The following PIK3R2 variants were observed in gnomAD, a reference collection of about 807,000 sequenced individuals.
PIK3R2 encodes the protein phosphoinositide-3-kinase regulatory subunit 2.
In PIK3R2, 40 loss-of-function variants were observed where a neutral mutation model predicts 78.5. That is an observed-to-expected ratio of 0.51 (90% CI 0.40 to 0.66). The LOEUF (loss-of-function observed/expected upper bound fraction) is 0.66. Ranked by LOEUF, PIK3R2 falls within the 30% of genes least tolerant of loss-of-function variation. PIK3R2 has a pLI of 0.00. For missense variants in PIK3R2, 880 were observed against 1,026.6 expected (o/e 0.86, Z 1.95); for synonymous variants, 473 against 457.7 (o/e 1.03, Z -0.43).
At chr19:18,158,464 C>T (rs1461133850) in intron 2 of PIK3R2, among the ~76,000 whole-genome samples, 1 of 143,658 alleles carries the variant, frequency 7.0e-6, no homozygotes, top group Admixed American at 7.2e-5. Flanking sequence ...GCACACCAGC[C>T]TGGGTGACAG....
rs749574353 is a variant in PIK3R2, at chr19:18,161,196, C to T, written c.598+11C>T. ...GCCGGGCCCTGCGGGGTGAGCCTGGCGGGTAGCCCGGGGGAAGGAGGGGGC... is the reference window on the plus strand; with the variant it reads ...GCCGGGCCCTGCGGGGTGAGCCTGGTGGGTAGCCCGGGGGAAGGAGGGGGC... On this transcript the variant is annotated intron_variant, in intron 5 of 15. Coordinates refer to ENST00000222254, the MANE Select transcript of PIK3R2 (RefSeq NM_005027.4). The surrounding 1 kb of genome is among the most constrained non-coding windows in gnomAD (Gnocchi z 5.3). 5.0e-5 allele frequency: 77 copies of T among 1,540,876 alleles called. No homozygotes were observed. The highest frequency in any genetic ancestry group is 5.9e-5 in the Non-Finnish European group (67 of 1,143,414).
At position 18,161,032 on chromosome 19, in the gene PIK3R2, G is replaced by A. The variant is rs748108604; in HGVS notation, c.467-22G>A. 9 of 1,611,382 alleles carry A rather than the reference G, an allele frequency of 5.6e-6. No individual in the cohort carries two copies. In the East Asian group the frequency reaches 6.7e-5, roughly 12 times the overall value. On this transcript the variant is annotated intron_variant, in intron 4 of 15. Transcript: ENST00000222254. This position sits in a 1 kb window ranked among gnomAD's most constrained non-coding sequence, Gnocchi z 5.3. ...GGGCCCCAGTACACATGAGTTGGAC[G>A]TGTGCCCCCCTGCACCCGCAGACTG... is the stretch of plus-strand genomic sequence containing the variant.
Position 18,162,008 on chromosome 19 carries a change from G to C in PIK3R2, c.858G>C (p.Lys286Asn). The change falls in exon 7 of 16, where the codon AAG (lysine) becomes AAC (asparagine). Residue 286 changes from lysine to asparagine, a missense_variant. Lys to Asn is a moderately conservative substitution (Grantham distance 94). Coordinates refer to ENST00000222254, the MANE Select transcript of PIK3R2 (RefSeq NM_005027.4). ...ACTTCCCGGCGCTGCTGGTGGAGAA[G>C]CTGCTTCAGGAACACTTGGAAGAGC... ...SPDFPALLVE[K>N]LLQEHLEEQE... The C allele has an allele frequency of 6.2e-7, 1 of 1,614,054 alleles. No homozygotes were observed. The highest frequency in any genetic ancestry group is 1.1e-5 in the South Asian group (1 of 91,090).
In PIK3R2 at chr19:18,161,640, G is replaced by A. The variant is rs1346280635; in HGVS notation, c.815+145G>A. On this transcript the variant is annotated intron_variant, in intron 6 of 15. Coordinates refer to ENST00000222254, the MANE Select transcript of PIK3R2 (RefSeq NM_005027.4). This position sits in a 1 kb window ranked among gnomAD's most constrained non-coding sequence, Gnocchi z 5.3. ...GAAGCTGCGTTCTTGTGATGACGGA[G>A]CGGAGACCTGGGCTCCTGAGTCGTG... 1.6e-5 allele frequency: 8 copies of A among 509,206 alleles called. No individual in the cohort carries two copies. Among genetic ancestry groups the A allele is most frequent in the South Asian group, 3.3e-5 (1 of 30,104 alleles). The allele number at this position is 509,206 out of a possible 1,614,324, so 31.5% of individuals were successfully genotyped here.
chr19:18,154,640 C>G (rs2147943421), intron 1 of PIK3R2, among the ~76,000 whole-genome samples: 1 of 152,254 alleles, frequency 6.6e-6, no homozygotes, highest in Non-Finnish European at 1.5e-5. Context: ...ATCTGGCCAC[C>G]TGGCTGCTGC....
At chr19:18,162,638 C>T (rs2043762387) in intron 9 of PIK3R2, 132 bp downstream of exon 9, 3 of 744,138 alleles carry the variant, frequency 4.0e-6, no homozygotes, top group Non-Finnish European at 2.2e-6. Flanking sequence ...AATCCCAGCA[C>T]TTTGGGAGGC....
Position 18,160,559 on chromosome 19 carries a change from G to C in PIK3R2, c.411G>C (p.Arg137Ser). ...LLVKLVEAIE[R>S]TGLDSESHYR... is the part of the protein sequence containing the mutation. Reference sequence around the variant, plus strand: ...TGAAGCTTGTGGAGGCCATTGAAAGGACAGGTAAGTTCCAGCCTGGCTGCA... The same window carrying C: ...TGAAGCTTGTGGAGGCCATTGAAAGCACAGGTAAGTTCCAGCCTGGCTGCA... Residue 137 changes from arginine to serine, a missense_variant, in exon 3 of 16, where the codon AGG becomes AGC. Physicochemically the swap from Arg to Ser is moderately radical, Grantham distance 110. Around this residue, in one of 3 missense-constraint regions of PIK3R2, gnomAD observed 456 missense variants for 486.6 expected, o/e 0.94. Coordinates refer to ENST00000222254, the MANE Select transcript of PIK3R2 (RefSeq NM_005027.4). 6.2e-7 allele frequency: 1 copy of C among 1,612,086 alleles called. No individual in the cohort carries two copies. Among genetic ancestry groups the C allele is most frequent in the Non-Finnish European group, 8.5e-7 (1 of 1,178,430 alleles).
At chr19:18,160,009 G>A (rs1479220749) in intron 2 of PIK3R2, among the ~76,000 whole-genome samples, 1 of 152,170 alleles carries the variant, frequency 6.6e-6, no homozygotes, top group Non-Finnish European at 1.5e-5. Flanking sequence ...AAAGTGCTGG[G>A]ATTCCAGGCT....
At position 18,167,075 on chromosome 19, in the gene PIK3R2, G is replaced by C. The variant is rs2043816793; in HGVS notation, c.1560-55G>C. On this transcript the variant is annotated intron_variant, in intron 12 of 15. Transcript: ENST00000222254. This position sits in a 1 kb window ranked among gnomAD's most constrained non-coding sequence, Gnocchi z 4.5. ...CACCTGAGCCCAGGAGTTTGAGGGT[G>C]CAGTGAGCCGAGATAAAACCCTGAG... 4 of 1,437,558 alleles carry C rather than the reference G, an allele frequency of 2.8e-6. No individual in the cohort carries two copies. In the African/African-American group the frequency reaches 5.8e-5, roughly 21 times the overall value. The allele number at this position is 1,437,558 out of a possible 1,614,324, so 89.1% of individuals were successfully genotyped here.
rs2043835873 is a variant in PIK3R2 at position 18,168,813 on chromosome 19, A to G, written c.1896A>G (p.Ala632=). 1 of 1,613,744 alleles carries G rather than the reference A, an allele frequency of 6.2e-7. No individual in the cohort carries two copies. Among genetic ancestry groups the G allele is most frequent in the African/African-American group, 1.3e-5 (1 of 74,910 alleles). The change falls in exon 15 of 16, where the codon GCA becomes GCG. Residue 632 remains alanine (A), a synonymous_variant. Transcript: ENST00000222254. This position sits in a 1 kb window ranked among gnomAD's most constrained non-coding sequence, Gnocchi z 4.1. ...TGGGCAAGATCAACCGCACGCAGGC[A>G]GAGGAGATGCTGAGTGGCAAGCGGG... ...WYVGKINRTQ[A]EEMLSGKRDG...
In PIK3R2 at chr19:18,169,649, C is replaced by A. The variant is rs1233654582; in HGVS notation, c.*355C>A. On this transcript the variant is annotated 3_prime_UTR_variant, in exon 16 of 16. Coordinates refer to ENST00000222254, the MANE Select transcript of PIK3R2 (RefSeq NM_005027.4). ...TCCCCCGGGGTCCCGGAAGCCCCTTCTGGCTGCACCTGCCATGTTTACAGA... is the reference window on the plus strand; with the variant it reads ...TCCCCCGGGGTCCCGGAAGCCCCTTATGGCTGCACCTGCCATGTTTACAGA... 8.2e-6 allele frequency: 2 copies of A among 242,808 alleles called. No individual in the cohort carries two copies. The highest frequency in any genetic ancestry group is 1.6e-5 in the Non-Finnish European group (2 of 124,802). The allele number at this position is 242,808 out of a possible 1,614,324, so 15.0% of individuals were successfully genotyped here. A position where few individuals can be genotyped will look rare whatever the true frequency, so the allele number is the denominator to read the frequency against.
At position 18,169,207 on chromosome 19, in the gene PIK3R2, G is replaced by T; in HGVS notation, c.2100G>T (p.Ser700=). 3 of 1,605,994 alleles carry T rather than the reference G, an allele frequency of 1.9e-6. No homozygotes were observed. Among genetic ancestry groups the T allele is most frequent in the Non-Finnish European group, 8.5e-7 (1 of 1,179,440 alleles). The change falls in exon 16 of 16, where the codon TCG becomes TCT. Residue 700 remains serine, a synonymous_variant. Coordinates refer to ENST00000222254, the MANE Select transcript of PIK3R2 (RefSeq NM_005027.4). ...TGGTGCTGCACTACCAGCACGCCTC[G>T]CTGGTGCAGCACAACGACGCGCTCA... The part of the protein sequence containing the change: ...KELVLHYQHA[S]LVQHNDALTV...
chr19:18,161,901 T>TC lies in PIK3R2; in HGVS notation c.816-63dup, dbSNP rs2043751822. ...CCCAGGCGTGCAAGCGCACGCACAATCCTGTGCACATGCGTGGGCGGACAG... is the reference window on the plus strand; with the variant it reads ...CCCAGGCGTGCAAGCGCACGCACAATCCCTGTGCACATGCGTGGGCGGACAG... On this transcript the variant is annotated intron_variant, in intron 6 of 15. Transcript: ENST00000222254. The surrounding 1 kb of genome is among the most constrained non-coding windows in gnomAD (Gnocchi z 5.3). 14 of 1,340,008 alleles carry TC rather than the reference T, an allele frequency of 1.0e-5. 1 individual carries two copies. The Middle Eastern group carries it at 2.5e-3, about 239-fold the overall frequency. The allele number at this position is 1,340,008 out of a possible 1,614,324, so 83.0% of individuals were successfully genotyped here.
chr19:18,163,504 G>A, intron 11 of PIK3R2, 116 bp downstream of exon 11: 1 of 1,128,380 alleles, frequency 8.9e-7, no homozygotes, highest in Non-Finnish European at 1.3e-6. Flanking sequence ...GCAGGTCACA[G>A]AGCAGGCACT....
At position 18,167,023 on chromosome 19, in the gene PIK3R2, C is replaced by A; in HGVS notation, c.1560-107C>A. On this transcript the variant is annotated intron_variant, in intron 12 of 15. Coordinates refer to ENST00000222254, the MANE Select transcript of PIK3R2 (RefSeq NM_005027.4). This position sits in a 1 kb window ranked among gnomAD's most constrained non-coding sequence, Gnocchi z 4.5. ...TGGTGGTGCACACCTGTGGTCCCAG[C>A]TACTCGGGAGGCTGAGGTAGGAGGG... 1 of 872,148 alleles carries A rather than the reference C, an allele frequency of 1.1e-6. No homozygotes were observed. Among genetic ancestry groups the A allele is most frequent in the Non-Finnish European group, 1.7e-6 (1 of 590,716 alleles). The allele number at this position is 872,148 out of a possible 1,614,324, so 54.0% of individuals were successfully genotyped here.
rs2147949730 is a variant in PIK3R2 at position 18,160,921 on chromosome 19, C to T, written c.418C>T (p.Leu140=). 6.2e-7 allele frequency: 1 copy of T among 1,608,850 alleles called. No individual in the cohort carries two copies. Among genetic ancestry groups the T allele is most frequent in the East Asian group, 2.2e-5 (1 of 44,754 alleles). The change falls in exon 4 of 16, where the codon CTG becomes TTG. Residue 140 remains leucine, a splice_region_variant and synonymous_variant. Coordinates refer to ENST00000222254, the MANE Select transcript of PIK3R2 (RefSeq NM_005027.4). ...KLVEAIERTG[L]DSESHYRPEL... ...TCGCCTGTCCCCTTCACCCCCAGGG[C>T]TGGACAGCGAATCTCACTACCGCCC... is the stretch of plus-strand genomic sequence containing the variant.
In PIK3R2 at chr19:18,161,934, C is replaced by T. The variant is rs762121309; in HGVS notation, c.816-32C>T. ...ACATGCGTGGGCGGACAGGCCCTAC[C>T]CAGCCCTCACCACACTCCCCTTCCC... On this transcript the variant is annotated intron_variant, in intron 6 of 15. Coordinates refer to ENST00000222254, the MANE Select transcript of PIK3R2 (RefSeq NM_005027.4). This position sits in a 1 kb window ranked among gnomAD's most constrained non-coding sequence, Gnocchi z 5.3. 4 of 1,588,604 alleles carry T rather than the reference C, an allele frequency of 2.5e-6. No individual in the cohort carries two copies. The highest frequency in any genetic ancestry group is 2.2e-5 in the South Asian group (2 of 90,572).
At position 18,161,499 on chromosome 19, in the gene PIK3R2, A is replaced by AGGGGC. The variant is rs1008971604; in HGVS notation, c.815+12_815+16dup. 1 of 771,792 alleles carries AGGGGC rather than the reference A, an allele frequency of 1.3e-6. No individual in the cohort carries two copies. The allele number at this position is 771,792 out of a possible 1,614,324, so 47.8% of individuals were successfully genotyped here. A position where few individuals can be genotyped will look rare whatever the true frequency, so the allele number is the denominator to read the frequency against. On this transcript the variant is annotated splice_donor_region_variant and intron_variant, in intron 6 of 15. Coordinates refer to ENST00000222254, the MANE Select transcript of PIK3R2 (RefSeq NM_005027.4). The surrounding 1 kb of genome is among the most constrained non-coding windows in gnomAD (Gnocchi z 5.3). ...CGCCAGGGGGCGCTCCCGACGGGTG[A>AGGGGC]GGGGCGGGGCGGAGCCGGAGCGAGC...
Position 18,156,261 on chromosome 19 carries a change from C to G in PIK3R2, c.322+60C>G, listed in dbSNP as rs935654053. On this transcript the variant is annotated intron_variant, in intron 2 of 15. Transcript: ENST00000222254. The surrounding 1 kb of genome is among the most constrained non-coding windows in gnomAD (Gnocchi z 4.2). ...GGTCCCCTCAGACCCTTGGTCTCCT[C>G]TTCTGTCCAGTGAGGCAATGGGATC... 3.1e-6 allele frequency: 4 copies of G among 1,298,762 alleles called. No homozygotes were observed. The highest frequency in any genetic ancestry group is 4.1e-6 in the Non-Finnish European group (4 of 974,864). The allele number at this position is 1,298,762 out of a possible 1,614,324, so 80.5% of individuals were successfully genotyped here. A position where few individuals can be genotyped will look rare whatever the true frequency, so the allele number is the denominator to read the frequency against.
Sources: allele counts gnomAD v4.1 joint callset (sites outside exome capture counted in the v4.1 genomes callset), GRCh38; gene constraint gnomAD v4.1.1; regional missense constraint gnomAD v4.1.1; non-coding constraint Gnocchi (gnomAD v3.1); transcripts MANE v1.5; gene names NCBI Gene and HGNC (gene_info 2026-07-23, HGNC 2026-07-21).